The following DNAH5 variants were observed in gnomAD, a reference collection of about 807,000 sequenced individuals.
The protein encoded by DNAH5 is axonemal beta dynein heavy chain 5.
DNAH5 carries 372 observed loss-of-function variants against 518.2 expected under a neutral mutation model. The observed-to-expected ratio is 0.72, with a 90% CI of 0.66 to 0.78. The LOEUF is 0.78. Ranked by LOEUF, DNAH5 falls within the 30% of genes least tolerant of loss-of-function variation. The pLI is 0.00. For synonymous variants in DNAH5, 2,039 were observed against 2,025.9 expected (o/e 1.01, Z -0.17); for missense variants, 5,523 against 5,687.0 (o/e 0.97, Z 0.93).
chr5:13,856,660 T>C (rs1767678404), intron 30 of DNAH5, among the ~76,000 whole-genome samples: 1 of 152,180 alleles, frequency 6.6e-6, no homozygotes, highest in South Asian at 2.1e-4. Context: ...TTAAAAAGGT[T>C]ATCCACCACA....
In DNAH5 at chr5:13,885,092, A is replaced by C. The variant is rs2151941591; in HGVS notation, c.2880T>G (p.Ser960=). 2.5e-6 allele frequency: 4 copies of C among 1,614,244 alleles called. No homozygotes were observed. Among genetic ancestry groups the C allele is most frequent in the Admixed American group, 3.3e-5 (2 of 60,030 alleles). The change falls in exon 19 of 79, where the codon TCT becomes TCG. Residue 960 remains serine (S), a synonymous_variant. Transcript: ENST00000265104. ...CATCCATGTTCTGATGGTTGAAATGAGAGAGTAACTCGCGGGCTTCTTCCC... is the reference window on the plus strand; with the variant it reads ...CATCCATGTTCTGATGGTTGAAATGCGAGAGTAACTCGCGGGCTTCTTCCC... ...MLGEEARELL[S]HFNHQNMDAL... is the part of the protein sequence containing the mutation.
rs562600757 is a variant in DNAH5, at chr5:13,942,317, G to A, written c.57+2065C>T. ...ATTGCAATAATAGTTCCAGACCTTAGCGTGGAACTTAGTTAAATATATATG... is the reference window on the plus strand; with the variant it reads ...ATTGCAATAATAGTTCCAGACCTTAACGTGGAACTTAGTTAAATATATATG... On this transcript the variant is annotated intron_variant, in intron 1 of 78. Transcript: ENST00000265104. Among the ~76,000 whole-genome samples the A allele has an allele frequency of 5.3e-5, 8 of 152,242 alleles. No homozygotes were observed. In the East Asian group the frequency reaches 1.5e-3, roughly 29 times the overall value.
intron 12 of DNAH5, among the ~76,000 whole-genome samples, chr5:13,908,791 C>T (rs968019121): frequency 6.6e-6 from 1 of 152,184 alleles, no homozygotes; most frequent in Non-Finnish European, 1.5e-5. Context: ...GCTCTGATCC[C>T]TTTGACACCA....
chr5:14,001,662 C>T (rs1340966210), intron 1 of DNAH5, among the ~76,000 whole-genome samples: 1 of 151,332 alleles, frequency 6.6e-6, no homozygotes, highest in Non-Finnish European at 1.5e-5. Flanking sequence ...TGTGCCCAGC[C>T]TAGTTTTTTT....
intron 65 of DNAH5, among the ~76,000 whole-genome samples, chr5:13,746,523 A>C (rs1749358596): frequency 6.6e-6 from 1 of 152,140 alleles, no homozygotes; most frequent in Admixed American, 6.6e-5. Flanking sequence ...AGAAGTCAGA[A>C]TTTCCACAGG....
chr5:13,711,368 C>T (rs2126472777), intron 75 of DNAH5, among the ~76,000 whole-genome samples: 1 of 152,240 alleles, frequency 6.6e-6, no homozygotes. Flanking sequence ...GGATATACCT[C>T]AATGTAATAA....
intron 70 of DNAH5, among the ~76,000 whole-genome samples, chr5:13,726,546 G>A (rs1369181424): frequency 1.3e-5 from 2 of 152,202 alleles, no homozygotes; most frequent in Non-Finnish European, 1.5e-5. Flanking sequence ...TTTCCACACT[G>A]TCCTTAAATA....
chr5:13,793,877 T>C (rs1016226646), intron 48 of DNAH5, 59 bp downstream of exon 48: 1 of 1,589,506 alleles, frequency 6.3e-7, no homozygotes, highest in African/African-American at 1.4e-5. Context: ...TTAAAAACTC[T>C]TCTAAGAATA....
At chr5:13,929,442 A>G (rs1046722207) in intron 2 of DNAH5, among the ~76,000 whole-genome samples, 2 of 151,042 alleles carry the variant, frequency 1.3e-5, no homozygotes, top group African/African-American at 2.4e-5. Flanking sequence ...ACTTAACACT[A>G]ATGAACTGTA....
At chr5:13,976,277 C>G (rs1782235569) in intron 1 of DNAH5, among the ~76,000 whole-genome samples, 1 of 152,166 alleles carries the variant, frequency 6.6e-6, no homozygotes, top group African/African-American at 2.4e-5. Flanking sequence ...CAGTTGCCTG[C>G]AGCCAACAGT....
At chr5:13,893,293 CT>C (rs1773510989) in intron 16 of DNAH5, among the ~76,000 whole-genome samples, 1 of 151,884 alleles carries the variant, frequency 6.6e-6, no homozygotes, top group South Asian at 2.1e-4. Flanking sequence ...CGAGAGCTAT[CT>C]AAAAGGGAAG....
In DNAH5 at chr5:13,922,215, G is replaced by A. The variant is rs755707971; in HGVS notation, c.552C>T (p.Gly184=). The stretch of plus-strand genomic sequence containing the variant: ...CTGCGTCCTGAAGGCCCTCGAGCTC[G>A]CCCCAGCCATGGCTCGTGGCTCTGA... ...PALRATSHGW[G]ELEGLQDAAN... The change falls in exon 5 of 79, where the codon GGC becomes GGT. Residue 184 remains glycine, a synonymous_variant. Coordinates refer to ENST00000265104, the MANE Select transcript of DNAH5 (RefSeq NM_001369.3). The A allele has an allele frequency of 6.8e-6, 11 of 1,613,738 alleles. No individual in the cohort carries two copies. The highest frequency in any genetic ancestry group is 7.6e-6 in the Non-Finnish European group (9 of 1,179,962).
intron 30 of DNAH5, among the ~76,000 whole-genome samples, chr5:13,855,090 TTC>T (rs1266591859): frequency 2.0e-5 from 3 of 152,296 alleles, no homozygotes; most frequent in East Asian, 3.9e-4. Context: ...TAAAAAATGC[TTC>T]TCTCTCACTA....
intron 17 of DNAH5, among the ~76,000 whole-genome samples, chr5:13,888,836 C>T (rs1772780887): frequency 6.6e-6 from 1 of 152,164 alleles, no homozygotes; most frequent in Non-Finnish European, 1.5e-5. Flanking sequence ...GGAGAAAATA[C>T]ATGATACATG....
intron 70 of DNAH5, among the ~76,000 whole-genome samples, chr5:13,722,644 G>T (rs908590515): frequency 1.1e-4 from 17 of 152,108 alleles, no homozygotes; most frequent in African/African-American, 4.1e-4. Flanking sequence ...TCTGAAAATT[G>T]GTCATCAGGG....
At chr5:13,742,197 A>G (rs1268047161) in intron 65 of DNAH5, among the ~76,000 whole-genome samples, 3 of 152,196 alleles carry the variant, frequency 2.0e-5, no homozygotes, top group Admixed American at 6.5e-5. Context: ...TTAGAATGAT[A>G]AGGACAAATA....
chr5:13,921,810 G>C (rs1196893534), intron 5 of DNAH5, among the ~76,000 whole-genome samples: 1 of 149,592 alleles, frequency 6.7e-6, no homozygotes, highest in Non-Finnish European at 1.5e-5. Flanking sequence ...ATGCACAGCA[G>C]TGCCACAAGC....
At chr5:13,890,145 G>A (rs999413939) in intron 17 of DNAH5, among the ~76,000 whole-genome samples, 11 of 152,234 alleles carry the variant, frequency 7.2e-5, no homozygotes, top group Admixed American at 3.3e-4. Context: ...AGTGGCTCAC[G>A]CCTGTAATCC....
At chr5:13,837,826 G>A (rs1764612344) in intron 35 of DNAH5, among the ~76,000 whole-genome samples, 1 of 149,354 alleles carries the variant, frequency 6.7e-6, no homozygotes, top group Non-Finnish European at 1.5e-5. Context: ...TCAGCCTCCC[G>A]AGTAGCCGGG....
Sources: gnomAD v4.1 joint callset for allele counts (sites outside exome capture counted in the v4.1 genomes callset) on GRCh38, gnomAD v4.1.1 for gene constraint, MANE v1.5 for transcripts, NCBI Gene and HGNC (gene_info 2026-07-23, HGNC 2026-07-21) for gene names.